STK3: variants seen among roughly 807,000 people sequenced by gnomAD.
The protein encoded by STK3 is serine/threonine kinase 3.
STK3 carries 41 observed loss-of-function variants against 58.0 expected under a neutral mutation model. That is an observed-to-expected ratio of 0.71 (90% CI 0.55 to 0.92). The LOEUF (loss-of-function observed/expected upper bound fraction) is 0.92, where lower values mean the gene tolerates loss of function less well. Among genes scored for constraint, STK3 ranks in the 40% least tolerant of loss-of-function variants. STK3 has a pLI of 0.00. For synonymous variants in STK3, 170 were observed against 191.0 expected (o/e 0.89, Z 0.91); for missense variants, 479 against 602.7 (o/e 0.79, Z 2.15).
chr8:98,447,903 C>T (rs1350668622), intron 1 of STK3, among the ~76,000 whole-genome samples: 1 of 147,684 alleles, frequency 6.8e-6, no homozygotes, highest in African/African-American at 2.5e-5. Flanking sequence ...ACATTAAGAA[C>T]TTTGTATGTA....
intron 3 of STK3, chr8:98,413,538 G>T: frequency 1.5e-6 from 1 of 650,952 alleles, no homozygotes. Context: ...TACTTCAACT[G>T]TGACATCATC....
At chr8:98,372,003 G>A (rs1234409693) in intron 2 of STK3, among the ~76,000 whole-genome samples, 1 of 152,112 alleles carries the variant, frequency 6.6e-6, no homozygotes, top group Non-Finnish European at 1.5e-5. Flanking sequence ...TCCTTAAACC[G>A]AATATGACTA....
In STK3 at chr8:98,940,144, C is replaced by A. The variant is rs545735974; in HGVS notation, c.-79+2234G>T. On this transcript the variant is annotated intron_variant, in intron 1 of 1. Transcript: ENST00000519420. The stretch of plus-strand genomic sequence containing the variant: ...AGCCCGCTCCTACCCCCTCGGCGTG[C>A]GGCGCGGGCCTGGAGACCGCGGAGC... 1.6e-4 allele frequency among the ~76,000 whole-genome samples: 24 copies of A among 152,190 alleles called. No individual in the cohort carries two copies. In the East Asian group the frequency reaches 4.3e-3, roughly 27 times the overall value.
chr8:98,597,060 T>C (rs911608411), intron 6 of STK3, among the ~76,000 whole-genome samples: 2 of 152,086 alleles, frequency 1.3e-5, no homozygotes, highest in African/African-American at 4.8e-5. Context: ...CAAGAGTACA[T>C]GCTAATAATA....
At chr8:98,554,957 G>A (rs1811482348) in intron 8 of STK3, among the ~76,000 whole-genome samples, 1 of 152,056 alleles carries the variant, frequency 6.6e-6, no homozygotes, top group African/African-American at 2.4e-5. Context: ...AGAAAAACAT[G>A]TTGATACTTC....
At chr8:98,518,454 T>C (rs1034367002) in intron 10 of STK3, among the ~76,000 whole-genome samples, 2 of 152,130 alleles carry the variant, frequency 1.3e-5, no homozygotes, top group Non-Finnish European at 2.9e-5. Flanking sequence ...AAAAAAATTT[T>C]AAAAACCAGT....
intron 1 of STK3, among the ~76,000 whole-genome samples, chr8:98,380,866 A>G (rs1283879130): frequency 2.6e-5 from 4 of 151,974 alleles, no homozygotes; most frequent in Non-Finnish European, 5.9e-5. Flanking sequence ...GTTATCTTAT[A>G]ACAAGAAAGT....
At chr8:98,795,147 A>G (rs1833070028) in intron 1 of STK3, among the ~76,000 whole-genome samples, 1 of 140,768 alleles carries the variant, frequency 7.1e-6, no homozygotes, top group Non-Finnish European at 1.5e-5. Flanking sequence ...AGTACACCAA[A>G]TCCAGCAGCA....
intron 1 of STK3, among the ~76,000 whole-genome samples, chr8:98,894,109 C>T (rs1284736539): frequency 2.0e-5 from 3 of 152,132 alleles, no homozygotes; most frequent in Non-Finnish European, 2.9e-5. Context: ...CCTTCTATCC[C>T]GTGATAGGGG....
At chr8:98,431,855 A>G (rs1468293315) in intron 3 of STK3, 1 of 167,068 alleles carries the variant, frequency 6.0e-6, no homozygotes, top group Non-Finnish European at 1.5e-5. Flanking sequence ...GTACATACAT[A>G]TATACTTATA....
chr8:98,532,581 T>A (rs1470439927), intron 9 of STK3, among the ~76,000 whole-genome samples: 1 of 152,176 alleles, frequency 6.6e-6, no homozygotes, highest in Admixed American at 6.6e-5. Flanking sequence ...CCAATAGACT[T>A]GCTTGACACA....
intron 3 of STK3, among the ~76,000 whole-genome samples, chr8:98,872,259 G>A (rs1284759283): frequency 1.3e-5 from 2 of 152,032 alleles, no homozygotes; most frequent in East Asian, 1.9e-4. Flanking sequence ...ATTTTATTGA[G>A]GATTTTTGCA....
intron 2 of STK3, among the ~76,000 whole-genome samples, chr8:98,773,153 T>C (rs900607378): frequency 3.9e-5 from 6 of 152,112 alleles, no homozygotes; most frequent in Admixed American, 1.3e-4. Flanking sequence ...GTATTCATCA[T>C]AATGTTTAAT....
At chr8:98,662,370 T>A (rs1563863049) in intron 6 of STK3, among the ~76,000 whole-genome samples, 1 of 152,132 alleles carries the variant, frequency 6.6e-6, no homozygotes, top group East Asian at 1.9e-4. Flanking sequence ...CCCCAAAACT[T>A]TTACAACCAG....
intron 4 of STK3, among the ~76,000 whole-genome samples, chr8:98,739,090 A>G (rs908526212): frequency 1.3e-5 from 2 of 152,256 alleles, no homozygotes; most frequent in Non-Finnish European, 2.9e-5. Context: ...GCAGCCGGGA[A>G]GCTCCAACTG....
chr8:98,520,408 C>T (rs1420034446), intron 10 of STK3, among the ~76,000 whole-genome samples: 4 of 152,100 alleles, frequency 2.6e-5, no homozygotes, highest in Non-Finnish European at 5.9e-5. Flanking sequence ...AGGAAGTACA[C>T]AAATTCTATT....
At chr8:98,902,611 G>T (rs745900111) in intron 1 of STK3, among the ~76,000 whole-genome samples, 1 of 152,096 alleles carries the variant, frequency 6.6e-6, no homozygotes, top group African/African-American at 2.4e-5. Context: ...CACTGTCACC[G>T]TCCTGGCCCA....
At chr8:98,619,272 C>A (rs1441704523) in intron 6 of STK3, among the ~76,000 whole-genome samples, 3 of 151,048 alleles carry the variant, frequency 2.0e-5, no homozygotes, top group Admixed American at 6.6e-5. Flanking sequence ...ATGTAGAAAG[C>A]TGAAACTGGA....
intron 3 of STK3, among the ~76,000 whole-genome samples, chr8:98,854,066 G>A (rs554625556): frequency 1.4e-4 from 21 of 152,250 alleles, no homozygotes; most frequent in African/African-American, 4.6e-4. Context: ...TTATGAATAT[G>A]AATGTAACTA....
Sources: allele counts gnomAD v4.1 joint callset (sites outside exome capture counted in the v4.1 genomes callset), GRCh38; gene constraint gnomAD v4.1.1; transcripts MANE v1.5; gene names NCBI Gene and HGNC (gene_info 2026-07-23, HGNC 2026-07-21).